Variants in PPP6R2 observed in about 807,000 individuals in gnomAD.
The protein encoded by PPP6R2 is serine/threonine-protein phosphatase 6 regulatory subunit 2.
A neutral mutation model predicts 100.2 loss-of-function variants in PPP6R2; 62 were observed. That is an observed-to-expected ratio of 0.62 (90% CI 0.50 to 0.76). The LOEUF (loss-of-function observed/expected upper bound fraction) is 0.76, where lower values mean the gene tolerates loss of function less well. Among genes scored for constraint, PPP6R2 ranks in the 30% least tolerant of loss-of-function variants. The pLI, the probability that PPP6R2 is intolerant of heterozygous loss-of-function variation, is 0.00. For synonymous variants in PPP6R2, 525 were observed against 514.7 expected, an observed-to-expected ratio of 1.02 and a Z score of -0.27; for missense variants, 1,142 against 1,276.3, an observed-to-expected ratio of 0.89 and a Z score of 1.60.
chr22:50,437,411 T>C (rs1309976016), intron 15 of PPP6R2, 95 bp from the exon 16 acceptor site: 11 of 848,708 alleles, frequency 1.3e-5, no homozygotes, highest in East Asian at 7.9e-5. Context: ...CCCGAACAAC[T>C]AGAGAGATTG....
intron 2 of PPP6R2, among the ~76,000 whole-genome samples, chr22:50,391,079 G>A (rs999803196): frequency 4.0e-5 from 6 of 151,648 alleles, no homozygotes; most frequent in Non-Finnish European, 7.4e-5. Context: ...AGGCCAAGGC[G>A]CTTGAGGCCT....
chr22:50,394,114 TGGA>T lies in PPP6R2; in HGVS notation c.211_213del (p.Glu71del). The T allele has an allele frequency of 6.2e-7, 1 of 1,613,938 alleles. No homozygotes were observed. Among genetic ancestry groups the T allele is most frequent in the Non-Finnish European group, 8.5e-7 (1 of 1,179,964 alleles). On this transcript the variant is annotated inframe_deletion, in exon 3 of 24. Coordinates refer to ENST00000612753, the MANE Select transcript of PPP6R2 (RefSeq NM_001242898.2). The stretch of plus-strand genomic sequence containing the variant: ...ATCACACAGGATCCGCCCCTGGACA[TGGA>T]GGAGAAGGTCCGCTTCAAGTATGTA...
the PPP6R2 span, among the ~76,000 whole-genome samples, chr22:50,338,226 GGT>G: frequency 0.12 from 16,820 of 137,566 alleles, 2,983 homozygotes; most frequent in African/African-American, 0.4. Context: ...GTGGTGTGTT[GGT>G]GTGTGTGTGT....
chr22:50,405,462 G>A (rs1409179332), intron 3 of PPP6R2, among the ~76,000 whole-genome samples: 3 of 144,080 alleles, frequency 2.1e-5, no homozygotes, highest in East Asian at 2.1e-4. Flanking sequence ...GGAGAGAGGT[G>A]AGAGGCCTGG....
At chr22:50,332,814 G>C in the PPP6R2 span, among the ~76,000 whole-genome samples, 1 of 151,714 alleles carries the variant, frequency 6.6e-6, no homozygotes, top group African/African-American at 2.4e-5. Flanking sequence ...AGTAGAGACG[G>C]GGTTTCACCA....
the PPP6R2 span, among the ~76,000 whole-genome samples, chr22:50,337,995 T>TGC: frequency 7.4e-6 from 1 of 135,532 alleles, no homozygotes. Flanking sequence ...GGTGTGTATG[T>TGC]TGTGTGGGTA....
At chr22:50,359,157 G>A (rs527721699) in intron 1 of PPP6R2, among the ~76,000 whole-genome samples, 8 of 149,504 alleles carry the variant, frequency 5.4e-5, no homozygotes, top group South Asian at 2.1e-4. Context: ...CAGCCACCAC[G>A]CCCAGCTAAT....
intron 18 of PPP6R2, 90 bp downstream of exon 18, chr22:50,438,388 C>G: frequency 6.5e-7 from 1 of 1,543,238 alleles, no homozygotes; most frequent in Non-Finnish European, 8.7e-7. Flanking sequence ...CGTTAGCTGG[C>G]TTGCAGAGCA....
At chr22:50,342,945 C>T (rs1253061799), upstream of PPP6R2, among the ~76,000 whole-genome samples, 1 of 152,124 alleles carries the variant, frequency 6.6e-6, no homozygotes, top group African/African-American at 2.4e-5. Flanking sequence ...AGGAGGGAGG[C>T]CCGGGAGAAC....
rs4824131 is a variant in PPP6R2, at chr22:50,438,737, G to A, written c.2103G>A (p.Ala701=). The change falls in exon 19 of 24, where the codon GCG becomes GCA. Residue 701 remains alanine (A), a synonymous_variant. Transcript: ENST00000612753. ...GAPPAPGKKE[A]PPVEGDSEGA... ...CACCGGCCCCCGGGAAGAAGGAAGC[G>A]CCCCCTGTGGAGGGTGACTCAGAAG... is the stretch of plus-strand genomic sequence containing the variant. 11 of 1,603,642 alleles carry A rather than the reference G, an allele frequency of 6.9e-6. No homozygotes were observed. Among genetic ancestry groups the A allele is most frequent in the Non-Finnish European group, 8.5e-6 (10 of 1,175,158 alleles).
In PPP6R2 at chr22:50,349,377, A is replaced by C. The variant is rs541564145; in HGVS notation, c.-148+5827A>C. ...AGACCCTGTCTCAAAAAAAAAAAAA[A>C]AAAAAAACGGGCTGGACGTGGTGAC... On this transcript the variant is annotated intron_variant, in intron 1 of 23. Coordinates refer to ENST00000612753, the MANE Select transcript of PPP6R2 (RefSeq NM_001242898.2). Among the ~76,000 whole-genome samples, 447 of 149,846 alleles carry C rather than the reference A, an allele frequency of 3.0e-3. 3 individuals carry two copies. The highest frequency in any genetic ancestry group is 8.0e-3 in the South Asian group (38 of 4,722).
rs188825565 is a variant in PPP6R2, at chr22:50,401,665, C to T, written c.228-5024C>T. On this transcript the variant is annotated intron_variant, in intron 3 of 23. Transcript: ENST00000612753. Reference sequence around the variant, plus strand: ...TTCTTTTTTCTTTTTTTTTTTGAGACGGAGTCTCACTCTGTCGCCCAGGCT... The same window carrying T: ...TTCTTTTTTCTTTTTTTTTTTGAGATGGAGTCTCACTCTGTCGCCCAGGCT... Among the ~76,000 whole-genome samples the T allele has an allele frequency of 2.7e-3, 398 of 146,694 alleles. 1 individual carries two copies. Among genetic ancestry groups the T allele is most frequent in the African/African-American group, 9.4e-3 (375 of 39,838 alleles).
At chr22:50,394,446 T>C (rs199824162) in intron 3 of PPP6R2, among the ~76,000 whole-genome samples, 2 of 142,342 alleles carry the variant, frequency 1.4e-5, no homozygotes, top group African/African-American at 2.5e-5. Flanking sequence ...TTTTTTTTTT[T>C]AAATTAGCCA....
At position 50,414,686 on chromosome 22, in the gene PPP6R2, G is replaced by A. The variant is rs999290205; in HGVS notation, c.549G>A (p.Leu183=). The change falls in exon 5 of 24, where the codon CTG becomes CTA. Residue 183 remains leucine, a synonymous_variant. Transcript: ENST00000612753. ...CAGCCGGGCTCCGGCAGGACGTCCT[G>A]CACGTGAGTGCGGGAGTCCCCCCCC... The part of the protein sequence containing the change: ...VEPAGLRQDV[L]HWLNEEKVIQ... The A allele has an allele frequency of 3.0e-5, 48 of 1,606,046 alleles. No homozygotes were observed. Among genetic ancestry groups the A allele is most frequent in the Non-Finnish European group, 3.7e-5 (44 of 1,178,604 alleles).
chr22:50,403,656 T>C (rs1012253607), intron 3 of PPP6R2, among the ~76,000 whole-genome samples: 14 of 152,208 alleles, frequency 9.2e-5, no homozygotes, highest in Non-Finnish European at 2.9e-5. Context: ...GCAGTGCCCC[T>C]GTGCCCTGAC....
intron 10 of PPP6R2, among the ~76,000 whole-genome samples, chr22:50,426,485 G>A (rs2062147751): frequency 2.0e-5 from 3 of 152,212 alleles, no homozygotes; most frequent in African/African-American, 7.2e-5. Context: ...TGTAAAGTAA[G>A]GGTCCAGCTT....
chr22:50,335,500 TTTTTGTTTTGTTTTG>T, the PPP6R2 span, among the ~76,000 whole-genome samples: 1 of 149,472 alleles, frequency 6.7e-6, no homozygotes, highest in Non-Finnish European at 1.5e-5. Flanking sequence ...TGGCCCTTGT[TTTTTGTTTTGTTTTG>T]TTTTGTTTTG....
At chr22:50,341,776 C>T (rs576951061), upstream of PPP6R2, among the ~76,000 whole-genome samples, 47 of 152,152 alleles carry the variant, frequency 3.1e-4, no homozygotes, top group African/African-American at 8.2e-4. Flanking sequence ...GGGCGGATCA[C>T]GAGGTCAGGA....
At chr22:50,346,602 A>G (rs1352758358) in intron 1 of PPP6R2, among the ~76,000 whole-genome samples, 1 of 120,398 alleles carries the variant, frequency 8.3e-6, no homozygotes, top group African/African-American at 3.3e-5. Context: ...TAGTCATTGC[A>G]CCTCACCCAT....
Sources: allele counts gnomAD v4.1 joint callset (sites outside exome capture counted in the v4.1 genomes callset), GRCh38; gene constraint gnomAD v4.1.1; transcripts MANE v1.5; gene names NCBI Gene and HGNC (gene_info 2026-07-23, HGNC 2026-07-21).